SRFBP1: variants seen among roughly 807,000 people sequenced by gnomAD.
The protein encoded by SRFBP1 is serum response factor binding protein 1, also known as serum response factor-binding protein 1.
SRFBP1 carries 47 observed loss-of-function variants against 45.5 expected under a neutral mutation model. That is an observed-to-expected ratio of 1.03 (90% CI 0.82 to 1.32). The LOEUF is 1.32. Among genes scored for constraint, SRFBP1 ranks in the 40% most tolerant of loss-of-function variants. The pLI, the probability that SRFBP1 is intolerant of heterozygous loss-of-function variation, is 0.00. For missense variants in SRFBP1, 621 were observed against 484.6 expected (o/e 1.28, Z -2.64); for synonymous variants, 203 against 166.3 (o/e 1.22, Z -1.70).
intron 2 of SRFBP1, among the ~76,000 whole-genome samples, chr5:122,045,120 A>G (rs886945141): frequency 6.6e-6 from 1 of 152,114 alleles, no homozygotes; most frequent in Non-Finnish European, 1.5e-5. Context: ...AGAGAGTCCT[A>G]TCCACATTGC....
chr5:122,010,950 A>G (rs1203699583), intron 4 of SRFBP1, among the ~76,000 whole-genome samples: 1 of 152,064 alleles, frequency 6.6e-6, no homozygotes, highest in Non-Finnish European at 1.5e-5. Context: ...TTTTTTCATC[A>G]CTACCTAAAT....
chr5:122,066,208 A>C (rs1427587552), intron 2 of SRFBP1: 1 of 152,220 alleles, frequency 6.6e-6, no homozygotes, highest in Non-Finnish European at 1.5e-5. Context: ...TCTGCTATAT[A>C]GTAATATTTC....
chr5:122,061,589 C>T lies in SRFBP1; in HGVS notation n.312-13726C>T, dbSNP rs192881166. ...AAATTACTTAAGTTATGCAATTATG[C>T]ATAACATAATTTTAAGTATACAAAA... On this transcript the variant is annotated intron_variant and non_coding_transcript_variant, in intron 2 of 2. Transcript: ENST00000504881. 9.6e-3 allele frequency among the ~76,000 whole-genome samples: 1,462 copies of T among 151,988 alleles called. 26 individuals carry two copies. Among genetic ancestry groups the T allele is most frequent in the African/African-American group, 0.033 (1,366 of 41,506 alleles).
chr5:122,076,676 T>A (rs76853106), downstream of SRFBP1, among the ~76,000 whole-genome samples: 754 of 152,224 alleles, frequency 5.0e-3, 18 homozygotes, highest in East Asian at 0.048. Flanking sequence ...TCCACCTCTG[T>A]GATTCCTGCT....
At position 122,028,183 on chromosome 5, in the gene SRFBP1, T is replaced by C. The variant is rs566506372; in HGVS notation, c.*1057T>C. 1 of 152,350 alleles carries C rather than the reference T, an allele frequency of 6.6e-6. No homozygotes were observed. The highest frequency in any genetic ancestry group is 2.1e-4 in the South Asian group (1 of 4,832). 9.4% of individuals were successfully genotyped at this position (152,350 alleles called of 1,614,324 possible). A position where few individuals can be genotyped will look rare whatever the true frequency, so the allele number is the denominator to read the frequency against. On this transcript the variant is annotated 3_prime_UTR_variant, in exon 8 of 8. Coordinates refer to ENST00000339397, the MANE Select transcript of SRFBP1 (RefSeq NM_152546.3). ...GCTATGCTGGGAAAAATTTTGAAGTTCTTGGTAAACTGAATAATGCTAATC... is the reference window on the plus strand; with the variant it reads ...GCTATGCTGGGAAAAATTTTGAAGTCCTTGGTAAACTGAATAATGCTAATC...
At chr5:121,975,075 A>G (rs1404472809) in intron 2 of SRFBP1, among the ~76,000 whole-genome samples, 4 of 151,958 alleles carry the variant, frequency 2.6e-5, no homozygotes, top group African/African-American at 9.7e-5. Context: ...ATCAAAAGTA[A>G]TAGTCATTAA....
intron 7 of SRFBP1, among the ~76,000 whole-genome samples, chr5:122,025,118 C>A (rs1046906192): frequency 1.3e-5 from 2 of 152,092 alleles, no homozygotes; most frequent in African/African-American, 2.4e-5. Context: ...CCACTCCCCC[C>A]ACCCCACAAC....
chr5:122,019,199 A>C, intron 4 of SRFBP1, 61 bp from the exon 5 acceptor site: 1 of 1,365,582 alleles, frequency 7.3e-7, no homozygotes, highest in Non-Finnish European at 1.0e-6. Context: ...TATTTTATTC[A>C]CTTTCAATAG....
chr5:122,022,895 C>G (rs966964228), intron 7 of SRFBP1, among the ~76,000 whole-genome samples: 25 of 152,234 alleles, frequency 1.6e-4, no homozygotes, highest in Non-Finnish European at 3.2e-4. Context: ...AAATTCATTT[C>G]TCATTCACAT....
intron 2 of SRFBP1, among the ~76,000 whole-genome samples, chr5:122,048,315 G>T (rs2092332533): frequency 1.3e-5 from 2 of 152,084 alleles, no homozygotes. Flanking sequence ...TATGGTTTTT[G>T]TCGTTGGTTC....
chr5:122,015,217 T>C (rs1478869373), intron 4 of SRFBP1, among the ~76,000 whole-genome samples: 1 of 152,180 alleles, frequency 6.6e-6, no homozygotes, highest in African/African-American at 2.4e-5. Context: ...TAATTAATCC[T>C]GAGGATTAAA....
At position 121,961,990 on chromosome 5, in the gene SRFBP1, G is replaced by T. The variant is rs201228905; in HGVS notation, c.-43G>T. 3,391 of 1,613,442 alleles carry T rather than the reference G, an allele frequency of 2.1e-3. 7 individuals are homozygous for T. The highest frequency in any genetic ancestry group is 2.6e-3 in the Non-Finnish European group (3,100 of 1,179,848). The stretch of plus-strand genomic sequence containing the variant: ...CGACGCAGCCGCGGTCTGAGAGACC[G>T]GTTCACGTGCAGGCAGCGGCGGATC... On this transcript the variant is annotated 5_prime_UTR_variant, in exon 1 of 8. Transcript: ENST00000339397.
chr5:122,033,938 C>G (rs1460785037), intron 2 of SRFBP1, among the ~76,000 whole-genome samples: 1 of 151,486 alleles, frequency 6.6e-6, no homozygotes, highest in East Asian at 1.9e-4. Flanking sequence ...GTTCTCCTGC[C>G]TCAGCCTCCT....
At chr5:122,012,269 G>A (rs138448168) in intron 4 of SRFBP1, among the ~76,000 whole-genome samples, 1 of 151,918 alleles carries the variant, frequency 6.6e-6, no homozygotes, top group African/African-American at 2.4e-5. Context: ...TAAAATTAAA[G>A]ATTTAAAATG....
At chr5:121,983,855 GTTTTA>G (rs1337332328) in intron 3 of SRFBP1, among the ~76,000 whole-genome samples, 2 of 151,580 alleles carry the variant, frequency 1.3e-5, no homozygotes, top group Non-Finnish European at 3.0e-5. Context: ...AACTTACTTT[GTTTTA>G]TTTTATTGTT....
chr5:121,967,802 ACT>A (rs1370660075), intron 1 of SRFBP1, among the ~76,000 whole-genome samples: 1 of 152,100 alleles, frequency 6.6e-6, no homozygotes, highest in African/African-American at 2.4e-5. Context: ...TCACACAACT[ACT>A]CTCCTGCCTG....
chr5:121,974,994 T>A (rs969372983), intron 2 of SRFBP1, among the ~76,000 whole-genome samples: 4 of 151,958 alleles, frequency 2.6e-5, no homozygotes, highest in Non-Finnish European at 4.4e-5. Flanking sequence ...ATGACATTTA[T>A]ATTACATTAA....
chr5:122,043,728 A>G (rs972301890), intron 2 of SRFBP1, among the ~76,000 whole-genome samples: 1 of 152,160 alleles, frequency 6.6e-6, no homozygotes, highest in Non-Finnish European at 1.5e-5. Flanking sequence ...CTTTTTTTGT[A>G]ACAGATGAGG....
intron 2 of SRFBP1, among the ~76,000 whole-genome samples, chr5:122,044,206 A>G (rs1470460614): frequency 6.6e-6 from 1 of 152,194 alleles, no homozygotes; most frequent in Non-Finnish European, 1.5e-5. Flanking sequence ...TTTTAATGGC[A>G]TCATATGGGG....
Sources: gnomAD v4.1 joint callset for allele counts (sites outside exome capture counted in the v4.1 genomes callset) on GRCh38, gnomAD v4.1.1 for gene constraint, MANE v1.5 for transcripts, NCBI Gene and HGNC (gene_info 2026-07-23, HGNC 2026-07-21) for gene names.